MBD5: variants seen among roughly 807,000 people sequenced by gnomAD.
MBD5 encodes the protein methyl-CpG binding domain protein 5, also known as methyl-CpG-binding domain protein 5.
Under a neutral mutation model 117.3 loss-of-function variants are expected in MBD5, and 13 were observed. The ratio of observed to expected loss-of-function variants is 0.11; its 90% CI spans 0.07 to 0.18. MBD5 has a LOEUF of 0.18. MBD5 is among the 10% of genes least tolerant of loss of function. The probability of loss-of-function intolerance (pLI) is 1.00; values close to 1 mark genes in which losing one functional copy is unlikely to be tolerated. For synonymous variants in MBD5, 727 were observed against 766.4 expected (o/e 0.95, Z 0.85); for missense variants, 1,879 against 2,093.8 (o/e 0.90, Z 2.00).
At position 148,483,266 on chromosome 2, in the gene MBD5, T is replaced by G. The variant is rs1681221480; in HGVS notation, c.2675T>G (p.Val892Gly). The G allele has an allele frequency of 6.2e-7, 1 of 1,613,968 alleles. No homozygotes were observed. Residue 892 changes from valine to glycine, a missense_variant, in exon 9 of 14, where the codon GTT (valine) becomes GGT (glycine). Val to Gly is a moderately radical substitution (Grantham distance 109). Around this residue, in one of 4 missense-constraint regions of MBD5, gnomAD observed 1,666 missense variants for 1,792.2 expected, o/e 0.93. Coordinates refer to ENST00000642680, the MANE Select transcript of MBD5 (RefSeq NM_001378120.1). Reference protein sequence around the residue: ...QLPIGSDFPFVGQEHALHFPS... With the variant: ...QLPIGSDFPFGGQEHALHFPS... The stretch of plus-strand genomic sequence containing the variant: ...CCCATTGGGAGTGATTTTCCTTTTG[T>G]TGGCCAGGAGCACGCACTTCATTTT...
At chr2:148,114,988 AT>A (rs1199375738) in intron 1 of MBD5, among the ~76,000 whole-genome samples, 1 of 152,154 alleles carries the variant, frequency 6.6e-6, no homozygotes, top group African/African-American at 2.4e-5. Context: ...GTATATATGT[AT>A]ATGCATATGT....
chr2:148,397,606 G>A (rs966797165), intron 4 of MBD5, among the ~76,000 whole-genome samples: 12 of 152,112 alleles, frequency 7.9e-5, no homozygotes, highest in African/African-American at 2.9e-4. Context: ...TGAGATTACA[G>A]GCGTGAGCCA....
intron 1 of MBD5, chr2:148,025,754 C>T (rs1693874726): frequency 6.6e-6 from 1 of 152,060 alleles, no homozygotes; most frequent in South Asian, 2.1e-4. Context: ...TTAGTGTGCA[C>T]TATTTAGGAG....
rs141395500 is a variant in MBD5, at chr2:148,464,961, C to T, written c.397+1042C>T. Among the ~76,000 whole-genome samples, 1,006 of 151,390 alleles carry T rather than the reference C, an allele frequency of 6.6e-3. 11 individuals carry two copies. The highest frequency in any genetic ancestry group is 0.01 in the Middle Eastern group (3 of 294). On this transcript the variant is annotated intron_variant, in intron 7 of 13. Transcript: ENST00000642680. ...CTCCAACCTGAGTGATAGAGCAAAA[C>T]TCTGTCTTGATTAAAAAAAAAAAAG...
At chr2:148,187,867 G>T (rs116384881) in intron 2 of MBD5, among the ~76,000 whole-genome samples, 1,869 of 152,252 alleles carry the variant, frequency 0.012, 45 homozygotes, top group African/African-American at 0.043. Context: ...ATTGTAAATA[G>T]ATTGGTAAAC....
At chr2:148,417,196 C>T (rs1705446472) in intron 4 of MBD5, among the ~76,000 whole-genome samples, 1 of 151,942 alleles carries the variant, frequency 6.6e-6, no homozygotes, top group South Asian at 2.1e-4. Flanking sequence ...GATCTTGGCT[C>T]ACTGCAACCT....
chr2:148,043,207 C>CGA (rs1694414873), intron 1 of MBD5, among the ~76,000 whole-genome samples: 1 of 151,248 alleles, frequency 6.6e-6, no homozygotes, highest in African/African-American at 2.4e-5. Flanking sequence ...AGGTGGATCA[C>CGA]GAGGTCAGGA....
intron 3 of MBD5, among the ~76,000 whole-genome samples, chr2:148,255,016 T>A (rs1700551729): frequency 6.6e-6 from 1 of 152,226 alleles, no homozygotes; most frequent in South Asian, 2.1e-4. Flanking sequence ...GCTGAATGCA[T>A]GTGCCAAGGC....
intron 4 of MBD5, among the ~76,000 whole-genome samples, chr2:148,384,653 A>C (rs1056286973): frequency 6.6e-6 from 1 of 152,046 alleles, no homozygotes; most frequent in African/African-American, 2.4e-5. Flanking sequence ...CACATTGCCA[A>C]GTCAATCCTA....
At chr2:148,423,419 T>G (rs1481454431) in intron 4 of MBD5, among the ~76,000 whole-genome samples, 1 of 152,186 alleles carries the variant, frequency 6.6e-6, no homozygotes, top group Non-Finnish European at 1.5e-5. Context: ...TGATTGCATT[T>G]TCAACCCAGA....
chr2:148,130,479 A>T (rs576072423), intron 1 of MBD5, among the ~76,000 whole-genome samples: 1 of 152,260 alleles, frequency 6.6e-6, no homozygotes, highest in Admixed American at 6.5e-5. Flanking sequence ...ACATGTAGAA[A>T]CAAGCATGTA....
chr2:148,076,548 A>G (rs899637118), intron 1 of MBD5, among the ~76,000 whole-genome samples: 3 of 152,204 alleles, frequency 2.0e-5, no homozygotes, highest in African/African-American at 4.8e-5. Flanking sequence ...GACATCTGCA[A>G]TTAAATGTTC....
intron 1 of MBD5, among the ~76,000 whole-genome samples, chr2:148,098,322 G>T (rs556725665): frequency 4.6e-5 from 7 of 152,278 alleles, no homozygotes; most frequent in South Asian, 2.1e-4. Context: ...AGCGGAAAGG[G>T]TTACATGAGA....
At chr2:148,136,657 T>A in intron 1 of MBD5, among the ~76,000 whole-genome samples, 1 of 152,198 alleles carries the variant, frequency 6.6e-6, no homozygotes, top group East Asian at 1.9e-4. Context: ...ACATGTGAAG[T>A]TTCATCAGTT....
At chr2:148,439,597 T>A (rs1011568757) in intron 4 of MBD5, among the ~76,000 whole-genome samples, 1 of 152,150 alleles carries the variant, frequency 6.6e-6, no homozygotes, top group Admixed American at 6.6e-5. Context: ...ATTATTTTTT[T>A]AAAAACTGTT....
intron 3 of MBD5, among the ~76,000 whole-genome samples, chr2:148,290,357 AT>A (rs1433512820): frequency 6.6e-6 from 1 of 151,972 alleles, no homozygotes; most frequent in African/African-American, 2.4e-5. Flanking sequence ...GGAAAGATAT[AT>A]TTCTTAAGAA....
At chr2:148,204,877 G>A (rs959233982) in intron 2 of MBD5, among the ~76,000 whole-genome samples, 3 of 152,024 alleles carry the variant, frequency 2.0e-5, no homozygotes, top group African/African-American at 7.2e-5. Flanking sequence ...CTGTCAGCAA[G>A]CATTGAAAGG....
chr2:148,417,789 C>G (rs932807951), intron 4 of MBD5, among the ~76,000 whole-genome samples: 22 of 151,640 alleles, frequency 1.5e-4, no homozygotes, highest in Admixed American at 4.6e-4. Context: ...AGCCATTTGC[C>G]CACTTTTTAA....
intron 1 of MBD5, among the ~76,000 whole-genome samples, chr2:148,037,560 A>T (rs1694228914): frequency 6.6e-6 from 1 of 152,008 alleles, no homozygotes; most frequent in Admixed American, 6.6e-5. Context: ...ATTAAGGTTA[A>T]CATCAGCTGC....
Sources: allele counts gnomAD v4.1 joint callset (sites outside exome capture counted in the v4.1 genomes callset), GRCh38; gene constraint gnomAD v4.1.1; regional missense constraint gnomAD v4.1.1; transcripts MANE v1.5; gene names NCBI Gene and HGNC (gene_info 2026-07-23, HGNC 2026-07-21).